The following CCDC190 variants were observed in gnomAD, a reference collection of about 807,000 sequenced individuals.
CCDC190 encodes the protein coiled-coil domain-containing protein 190.
A neutral mutation model predicts 13.1 loss-of-function variants in CCDC190; 10 were observed. That is an observed-to-expected ratio of 0.77 (90% CI 0.47 to 1.30). CCDC190 has a LOEUF of 1.30. Ranked by LOEUF, CCDC190 falls within the 50% of genes most tolerant of loss-of-function variation. The probability of loss-of-function intolerance (pLI) is 0.00; values close to 1 mark genes in which losing one functional copy is unlikely to be tolerated. For missense variants in CCDC190, 375 were observed against 354.3 expected (o/e 1.06, Z -0.47); for synonymous variants, 136 against 127.2 (o/e 1.07, Z -0.47).
chr1:162,860,860 G>T (rs1330837304), intron 1 of CCDC190, 148 bp downstream of exon 1: 1 of 224,596 alleles, frequency 4.5e-6, no homozygotes, highest in Non-Finnish European at 7.4e-6. Flanking sequence ...CTCGGCCGAG[G>T]TTTGGTGATT....
intron 3 of CCDC190, 117 bp downstream of exon 3, chr1:162,855,515 G>A: frequency 6.6e-7 from 1 of 1,505,922 alleles, no homozygotes; most frequent in Non-Finnish European, 8.9e-7. Context: ...ACAATGCAGG[G>A]AAAATGTCTC....
chr1:162,854,589 A>G lies in CCDC190; in HGVS notation c.*176T>C, dbSNP rs78906366. 3.7e-5 allele frequency: 52 copies of G among 1,390,630 alleles called. 1 individual carries two copies. The East Asian group carries it at 1.3e-3, about 35-fold the overall frequency. 86.1% of individuals were successfully genotyped at this position (1,390,630 alleles called of 1,614,324 possible). A position where few individuals can be genotyped will look rare whatever the true frequency, so the allele number is the denominator to read the frequency against. The stretch of plus-strand genomic sequence containing the variant: ...TCATTCTTCCTCTCCTTTTTCATAT[A>G]TTAGCATTGTTCATTCAAGAAATAT... On this transcript the variant is annotated 3_prime_UTR_variant, in exon 4 of 4. Transcript: ENST00000367912.
rs1396370698 is a variant in CCDC190, at chr1:162,852,825, C to T, written c.*1940G>A. On this transcript the variant is annotated 3_prime_UTR_variant, in exon 4 of 4. Coordinates refer to ENST00000367912, the MANE Select transcript of CCDC190 (RefSeq NM_001394065.1). ...TGAGAGCTAGTACAGTGAAAAGACC[C>T]ACTTAGCAGTGACAAACCATTCACT... The T allele has an allele frequency of 2.6e-6, 1 of 382,626 alleles. No homozygotes were observed. The highest frequency in any genetic ancestry group is 2.0e-5 in the African/African-American group (1 of 49,038). The allele number at this position is 382,626 out of a possible 1,614,324, so 23.7% of individuals were successfully genotyped here.
Position 162,859,584 on chromosome 1 carries a change from G to A in CCDC190, c.63C>T (p.Ala21=), listed in dbSNP as rs778694428. 18 of 1,613,804 alleles carry A rather than the reference G, an allele frequency of 1.1e-5. No homozygotes were observed. In the African/African-American group the frequency reaches 1.2e-4, roughly 11 times the overall value. ...YKHFDLERKN[A]KQAEARLDQR... ...GGTCCAGTCTGGCTTCAGCCTGCTTGGCATTCTTCCTCTCCAAATCAAAAT... is the reference window on the plus strand; with the variant it reads ...GGTCCAGTCTGGCTTCAGCCTGCTTAGCATTCTTCCTCTCCAAATCAAAAT... Residue 21 remains alanine, a synonymous_variant, in exon 2 of 4, where the codon GCC becomes GCT. Transcript: ENST00000367912.
chr1:162,865,751 T>TCTC (rs1650680349), upstream of CCDC190, among the ~76,000 whole-genome samples: 1 of 152,150 alleles, frequency 6.6e-6, no homozygotes, highest in Non-Finnish European at 1.5e-5. Flanking sequence ...TAGAAGGAAA[T>TCTC]ATCTTCAACC....
At position 162,861,016 on chromosome 1, in the gene CCDC190, C is replaced by A; in HGVS notation, c.-21G>T. ...GGGCCAGTAGAACTTACCTCCAAAT[C>A]CAGAGTTTTCACCATGAGACTATGT... On this transcript the variant is annotated 5_prime_UTR_variant, in exon 1 of 4. Coordinates refer to ENST00000367912, the MANE Select transcript of CCDC190 (RefSeq NM_001394065.1). The A allele has an allele frequency of 3.0e-6, 3 of 984,966 alleles. No homozygotes were observed. Among genetic ancestry groups the A allele is most frequent in the Non-Finnish European group, 3.6e-6 (3 of 829,540 alleles). The allele number at this position is 984,966 out of a possible 1,614,324, so 61.0% of individuals were successfully genotyped here. A position where few individuals can be genotyped will look rare whatever the true frequency, so the allele number is the denominator to read the frequency against.
chr1:162,853,224 G>C lies in CCDC190; in HGVS notation c.*1541C>G, dbSNP rs1293177496. On this transcript the variant is annotated 3_prime_UTR_variant, in exon 4 of 4. Transcript: ENST00000367912. Reference sequence around the variant, plus strand: ...TTGTCTTCAGATAGGTGGTAGTGTGGTGTAATGAAAGAGCATGAGCAAGGA... The same window carrying C: ...TTGTCTTCAGATAGGTGGTAGTGTGCTGTAATGAAAGAGCATGAGCAAGGA... 7.4e-7 allele frequency: 1 copy of C among 1,349,802 alleles called. No individual in the cohort carries two copies. 83.6% of individuals were successfully genotyped at this position (1,349,802 alleles called of 1,614,324 possible).
chr1:162,855,776 A>G lies in CCDC190; in HGVS notation c.188-21T>C, dbSNP rs747910581. ...GGTTTCTGCTTTGAGTTAATTAAGAAGTGTTATGAGTTGGATTGTGTCCTT... is the reference window on the plus strand; with the variant it reads ...GGTTTCTGCTTTGAGTTAATTAAGAGGTGTTATGAGTTGGATTGTGTCCTT... On this transcript the variant is annotated intron_variant, in intron 2 of 3. Coordinates refer to ENST00000367912, the MANE Select transcript of CCDC190 (RefSeq NM_001394065.1). 2.6e-6 allele frequency: 4 copies of G among 1,565,618 alleles called. No individual in the cohort carries two copies. In the Admixed American group the frequency reaches 5.7e-5, roughly 22 times the overall value.
intron 1 of CCDC190, among the ~76,000 whole-genome samples, chr1:162,866,352 C>G (rs1343971363): frequency 6.6e-6 from 1 of 152,072 alleles, no homozygotes; most frequent in Non-Finnish European, 1.5e-5. Context: ...ATCACTTGAA[C>G]CTGGGAGGCA....
chr1:162,855,119 G>A lies in CCDC190; in HGVS notation c.552C>T (p.Ser184=). 1 of 1,613,928 alleles carries A rather than the reference G, an allele frequency of 6.2e-7. No homozygotes were observed. The highest frequency in any genetic ancestry group is 8.5e-7 in the Non-Finnish European group (1 of 1,179,844). Residue 184 remains serine, a synonymous_variant, in exon 4 of 4, where the codon TCC becomes TCT. Coordinates refer to ENST00000367912, the MANE Select transcript of CCDC190 (RefSeq NM_001394065.1). ...TAGGACCTTGTTCTATGGTGTTGGT[G>A]GAAACCTCTTGATTTTGGCATGGAA... ...ISVPCQNQEV[S]TNTIEQGPSS... is the part of the protein sequence containing the mutation.
At position 162,854,602 on chromosome 1, in the gene CCDC190, A is replaced by T. The variant is rs1403770214; in HGVS notation, c.*163T>A. 1.4e-6 allele frequency: 2 copies of T among 1,398,650 alleles called. No individual in the cohort carries two copies. The highest frequency in any genetic ancestry group is 3.0e-5 in the Admixed American group (1 of 33,622). The allele number at this position is 1,398,650 out of a possible 1,614,324, so 86.6% of individuals were successfully genotyped here. On this transcript the variant is annotated 3_prime_UTR_variant, in exon 4 of 4. Transcript: ENST00000367912. Reference sequence around the variant, plus strand: ...CCTTTTTCATATATTAGCATTGTTCATTCAAGAAATATTATATTCCCGGAA... The same window carrying T: ...CCTTTTTCATATATTAGCATTGTTCTTTCAAGAAATATTATATTCCCGGAA...
At chr1:162,866,200 C>A (rs1012944737) in intron 1 of CCDC190, among the ~76,000 whole-genome samples, 1 of 152,118 alleles carries the variant, frequency 6.6e-6, no homozygotes, top group African/African-American at 2.4e-5. Flanking sequence ...GTGGCTCATG[C>A]CTGTAATCCC....
At chr1:162,865,622 T>C (rs556887612), upstream of CCDC190, among the ~76,000 whole-genome samples, 2 of 152,330 alleles carry the variant, frequency 1.3e-5, no homozygotes, top group South Asian at 2.1e-4. Flanking sequence ...CAGGGTTGAT[T>C]TGATGTTTAA....
chr1:162,854,802 C>G lies in CCDC190; in HGVS notation c.869G>C (p.Cys290Ser). Residue 290 changes from cysteine (C) to serine (S), a missense_variant, in exon 4 of 4, where the codon TGT becomes TCT. Cys to Ser is a moderately radical substitution (Grantham distance 112). Transcript: ENST00000367912. ...ESSSSRAGKE[C>S]ENRVPSKFLP... is the part of the protein sequence containing the mutation. ...AAACTTAGAAGGCACCCTGTTTTCA[C>G]ACTCCTTTCCTGCCCTGGATGATGA... 1.2e-6 allele frequency: 2 copies of G among 1,612,536 alleles called. No homozygotes were observed. Among genetic ancestry groups the G allele is most frequent in the South Asian group, 2.2e-5 (2 of 91,024 alleles).
At chr1:162,863,645 G>T (rs1053917556), upstream of CCDC190, among the ~76,000 whole-genome samples, 1 of 152,108 alleles carries the variant, frequency 6.6e-6, no homozygotes, top group African/African-American at 2.4e-5. Context: ...ACGAGGCAGG[G>T]GTTCCTGACT....
intron 2 of CCDC190, among the ~76,000 whole-genome samples, chr1:162,859,116 G>A (rs1571044210): frequency 1.3e-5 from 2 of 152,212 alleles, no homozygotes; most frequent in Non-Finnish European, 1.5e-5. Flanking sequence ...TTAAAAAGGG[G>A]TGAAACCAAA....
chr1:162,859,719 G>A (rs1571045287), intron 1 of CCDC190, 61 bp from the exon 2 acceptor site: 1 of 1,382,188 alleles, frequency 7.2e-7, no homozygotes, highest in East Asian at 2.4e-5. Context: ...ACTGACCCCG[G>A]CTTTTAATCA....
At chr1:162,856,609 A>T (rs1375172282) in intron 2 of CCDC190, among the ~76,000 whole-genome samples, 2 of 152,192 alleles carry the variant, frequency 1.3e-5, no homozygotes, top group Non-Finnish European at 2.9e-5. Flanking sequence ...AGTTTTTAAG[A>T]CATCTCATGA....
chr1:162,861,017 CAG>C lies in CCDC190; in HGVS notation c.-24_-23del. ...GGCCAGTAGAACTTACCTCCAAATC[CAG>C]AGTTTTCACCATGAGACTATGTCTT... On this transcript the variant is annotated 5_prime_UTR_variant, in exon 1 of 4. Transcript: ENST00000367912. The C allele has an allele frequency of 1.0e-6, 1 of 984,938 alleles. No homozygotes were observed. Among genetic ancestry groups the C allele is most frequent in the South Asian group, 4.7e-5 (1 of 21,272 alleles). The allele number at this position is 984,938 out of a possible 1,614,324, so 61.0% of individuals were successfully genotyped here. A position where few individuals can be genotyped will look rare whatever the true frequency, so the allele number is the denominator to read the frequency against.
Sources: allele counts gnomAD v4.1 joint callset (sites outside exome capture counted in the v4.1 genomes callset), GRCh38; gene constraint gnomAD v4.1.1; transcripts MANE v1.5; gene names NCBI Gene and HGNC (gene_info 2026-07-23, HGNC 2026-07-21).